RHOBTB3: variants seen among roughly 807,000 people sequenced by gnomAD.
The protein encoded by RHOBTB3 is Rho related BTB domain containing 3.
In RHOBTB3, 47 loss-of-function variants were observed where a neutral mutation model predicts 67.2. That is an observed-to-expected ratio of 0.70 (90% CI 0.55 to 0.89). The LOEUF (loss-of-function observed/expected upper bound fraction) is 0.89. Ranked by LOEUF, RHOBTB3 falls within the 40% of genes least tolerant of loss-of-function variation. The pLI is 0.00. For missense variants in RHOBTB3, 631 were observed against 750.0 expected (o/e 0.84, Z 1.85); for synonymous variants, 273 against 274.2 (o/e 1.00, Z 0.04).
Position 95,780,386 on chromosome 5 carries a change from T to C in RHOBTB3, c.1417T>C (p.Ser473Pro), listed in dbSNP as rs1172072485. ...TGGTGTTTCCAAAGAGACTTTCTTG[T>C]CATTTTTAGAATACCTGTACACAGA... ...VYGVSKETFLSFLEYLYTDSC... is the reference protein window; with the variant it reads ...VYGVSKETFLPFLEYLYTDSC... Residue 473 changes from serine (S) to proline (P), a missense_variant, in exon 9 of 12, where the codon TCA (serine) becomes CCA (proline). Ser to Pro is a moderately conservative substitution (Grantham distance 74, BLOSUM62 -1). Transcript: ENST00000379982. The C allele has an allele frequency of 6.2e-7, 1 of 1,614,134 alleles. No individual in the cohort carries two copies. The highest frequency in any genetic ancestry group is 8.5e-7 in the Non-Finnish European group (1 of 1,179,948).
At chr5:95,736,632 G>GGA (rs776091193) in intron 2 of RHOBTB3, among the ~76,000 whole-genome samples, 27 of 152,308 alleles carry the variant, frequency 1.8e-4, no homozygotes, top group Non-Finnish European at 3.5e-4. Flanking sequence ...AGTGCAAATA[G>GGA]TGAAAGAGGT....
chr5:95,726,592 G>A (rs1220551695), upstream of RHOBTB3, among the ~76,000 whole-genome samples: 1 of 152,102 alleles, frequency 6.6e-6, no homozygotes, highest in Non-Finnish European at 1.5e-5. Context: ...CATTATTTTG[G>A]TCAACTTCTT....
At chr5:95,720,092 C>T (rs1207335851) in intron 1 of RHOBTB3, among the ~76,000 whole-genome samples, 1 of 152,180 alleles carries the variant, frequency 6.6e-6, no homozygotes, top group Non-Finnish European at 1.5e-5. Flanking sequence ...AATTAGTATT[C>T]TAGTTTACAC....
Position 95,731,938 on chromosome 5 carries a change from T to C in RHOBTB3, c.82T>C (p.Tyr28His). The change falls in exon 2 of 12, where the codon TAC (tyrosine) becomes CAC (histidine). Residue 28 changes from tyrosine to histidine, a missense_variant. By Grantham distance (83) the Tyr-to-His change is moderately conservative. Transcript: ENST00000379982. ...DNRPSGLIRT[Y>H]LGRSPLVSGD... is the part of the protein sequence containing the mutation. ...CCGGCCGTCGGGGCTTATCCGCACT[T>C]ACCTGGGGAGAAGCCCTCTGGTCTC... 2 of 1,614,104 alleles carry C rather than the reference T, an allele frequency of 1.2e-6. No homozygotes were observed. The highest frequency in any genetic ancestry group is 1.7e-6 in the Non-Finnish European group (2 of 1,180,016).
At chr5:95,753,068 C>T (rs1745136962) in intron 5 of RHOBTB3, among the ~76,000 whole-genome samples, 1 of 151,940 alleles carries the variant, frequency 6.6e-6, no homozygotes, top group Admixed American at 6.6e-5. Flanking sequence ...GGAGGCGGAG[C>T]TTGCAGTGAG....
Position 95,768,074 on chromosome 5 carries a change from A to G in RHOBTB3, c.1190A>G (p.Tyr397Cys), listed in dbSNP as rs1745600903. 5.0e-6 allele frequency: 8 copies of G among 1,613,332 alleles called. No homozygotes were observed. The highest frequency in any genetic ancestry group is 5.9e-6 in the Non-Finnish European group (7 of 1,179,440). ...AATTGCCTAAGGAATTGCAAAACCTATCAAGCCAGAAAACCTTTGTGGTTT... is the reference window on the plus strand; with the variant it reads ...AATTGCCTAAGGAATTGCAAAACCTGTCAAGCCAGAAAACCTTTGTGGTTT... ...KINCLRNCKTYQARKPLWFYN... is the reference protein window; with the variant it reads ...KINCLRNCKTCQARKPLWFYN... Residue 397 changes from tyrosine (Y) to cysteine (C), a missense_variant, in exon 8 of 12, where the codon TAT becomes TGT. Coordinates refer to ENST00000379982, the MANE Select transcript of RHOBTB3 (RefSeq NM_014899.4).
At chr5:95,741,731 A>G (rs1755606706) in intron 3 of RHOBTB3, among the ~76,000 whole-genome samples, 1 of 151,892 alleles carries the variant, frequency 6.6e-6, no homozygotes, top group African/African-American at 2.4e-5. Context: ...CATAATATGA[A>G]CATTTTTAAT....
At chr5:95,775,710 T>C (rs1468446507) in intron 8 of RHOBTB3, among the ~76,000 whole-genome samples, 2 of 152,076 alleles carry the variant, frequency 1.3e-5, no homozygotes, top group African/African-American at 4.8e-5. Flanking sequence ...ATGTCTAATT[T>C]TGGGGGCTGT....
chr5:95,763,698 A>G, intron 7 of RHOBTB3, 78 bp downstream of exon 7: 1 of 799,088 alleles, frequency 1.3e-6, no homozygotes, highest in Non-Finnish European at 2.1e-6. Flanking sequence ...TATAAAATTG[A>G]GTCGTTAGAA....
At chr5:95,752,699 A>C (rs919056931) in intron 5 of RHOBTB3, among the ~76,000 whole-genome samples, 8 of 152,240 alleles carry the variant, frequency 5.3e-5, no homozygotes, top group Non-Finnish European at 1.0e-4. Flanking sequence ...AAAACATCTA[A>C]AAGATGTTCT....
Position 95,780,266 on chromosome 5 carries a change from G to A in RHOBTB3, c.1297G>A (p.Ala433Thr). 6.2e-7 allele frequency: 1 copy of A among 1,613,820 alleles called. No homozygotes were observed. Among genetic ancestry groups the A allele is most frequent in the Non-Finnish European group, 8.5e-7 (1 of 1,179,750 alleles). The change falls in exon 9 of 12, where the codon GCC becomes ACC. Residue 433 changes from alanine to threonine, a missense_variant. Transcript: ENST00000379982. ...VFEIQGTTVP[A>T]HRAILVARCE... The stretch of plus-strand genomic sequence containing the variant: ...GAACCTTTCAGGTACGACAGTGCCA[G>A]CCCACAGGGCCATCCTGGTGGCCCG...
intron 9 of RHOBTB3, among the ~76,000 whole-genome samples, chr5:95,783,417 G>A (rs1484548614): frequency 4.6e-5 from 7 of 151,316 alleles, no homozygotes; most frequent in African/African-American, 1.5e-4. Flanking sequence ...CCACTGCGCC[G>A]GCCCTTCTTT....
chr5:95,731,717 T>A (rs773992793), intron 1 of RHOBTB3, 33 bp downstream of exon 1: 19 of 1,613,040 alleles, frequency 1.2e-5, no homozygotes, highest in Non-Finnish European at 1.5e-5. Context: ...CCATTGTCTC[T>A]CTCCAGCGCG....
At chr5:95,767,028 G>T (rs191940660) in intron 7 of RHOBTB3, among the ~76,000 whole-genome samples, 1 of 152,236 alleles carries the variant, frequency 6.6e-6, no homozygotes, top group Non-Finnish European at 1.5e-5. Context: ...AGACCAGCCT[G>T]GGAAAAATGG....
chr5:95,726,378 A>C (rs1323517363), upstream of RHOBTB3, among the ~76,000 whole-genome samples: 2 of 152,166 alleles, frequency 1.3e-5, no homozygotes, highest in Non-Finnish European at 2.9e-5. Flanking sequence ...GGAAGTATTG[A>C]CTTGTATATA....
chr5:95,721,316 A>G (rs1754867428), intron 1 of RHOBTB3, among the ~76,000 whole-genome samples: 1 of 152,214 alleles, frequency 6.6e-6, no homozygotes, highest in South Asian at 2.1e-4. Flanking sequence ...TCACTGAGAA[A>G]GGTCTAAGTG....
At chr5:95,784,986 T>C (rs1447776892) in intron 10 of RHOBTB3, among the ~76,000 whole-genome samples, 5 of 152,202 alleles carry the variant, frequency 3.3e-5, no homozygotes, top group Non-Finnish European at 5.9e-5. Flanking sequence ...CTTCTTGAAC[T>C]ATTATCTGGC....
rs781725081 is a variant in RHOBTB3, at chr5:95,783,837, G to A, written c.1497G>A (p.Glu499=). Residue 499 remains glutamate, a synonymous_variant, in exon 10 of 12, where the codon GAG becomes GAA. Transcript: ENST00000379982. ...CCATGTGTCTCCTGATCTGTGCCGA[G>A]ATGTACCAAGTGTCCAGACTGCAGC... ...FQAMCLLICA[E]MYQVSRLQHI... The A allele has an allele frequency of 6.2e-7, 1 of 1,613,734 alleles. No individual in the cohort carries two copies. The highest frequency in any genetic ancestry group is 1.7e-5 in the Admixed American group (1 of 59,994).
intron 1 of RHOBTB3, among the ~76,000 whole-genome samples, chr5:95,719,482 A>G (rs1369542320): frequency 6.6e-6 from 1 of 152,244 alleles, no homozygotes; most frequent in Non-Finnish European, 1.5e-5. Context: ...GTTAGGTTAA[A>G]CTGGCTCTAA....
Sources: gnomAD v4.1 joint callset for allele counts (sites outside exome capture counted in the v4.1 genomes callset) on GRCh38, gnomAD v4.1.1 for gene constraint, MANE v1.5 for transcripts, NCBI Gene and HGNC (gene_info 2026-07-23, HGNC 2026-07-21) for gene names.